The following CNTNAP5 variants were observed in gnomAD, a reference collection of about 807,000 sequenced individuals.
CNTNAP5 encodes contactin associated protein family member 5, also known as contactin-associated protein-like 5.
In CNTNAP5, 72 loss-of-function variants were observed where a neutral mutation model predicts 150.2. The observed-to-expected ratio is 0.48, with a 90% confidence interval of 0.40 to 0.58. CNTNAP5 has a LOEUF of 0.58. CNTNAP5 is among the 20% of genes least tolerant of loss of function. CNTNAP5 has a pLI of 0.00. For missense variants in CNTNAP5, 1,636 were observed against 1,626.2 expected (o/e 1.01, Z -0.10); for synonymous variants, 672 against 619.8 (o/e 1.08, Z -1.25).
At chr2:124,083,608 A>T (rs1020314630) in intron 1 of CNTNAP5, among the ~76,000 whole-genome samples, 1 of 152,054 alleles carries the variant, frequency 6.6e-6, no homozygotes, top group African/African-American at 2.4e-5. Context: ...TCAAAAATCA[A>T]TTGTCCATAT....
chr2:124,074,657 A>G (rs1682393925), intron 1 of CNTNAP5, among the ~76,000 whole-genome samples: 1 of 152,106 alleles, frequency 6.6e-6, no homozygotes, highest in Admixed American at 6.6e-5. Flanking sequence ...ACTCCTAGAC[A>G]GCACTTACCA....
chr2:124,371,870 T>G (rs1299296957), intron 3 of CNTNAP5, among the ~76,000 whole-genome samples: 1 of 152,098 alleles, frequency 6.6e-6, no homozygotes, highest in Non-Finnish European at 1.5e-5. Context: ...GTGTTCTAAA[T>G]TTTCAAATCA....
At chr2:124,125,793 C>A (rs1385163345) in intron 1 of CNTNAP5, among the ~76,000 whole-genome samples, 1 of 152,186 alleles carries the variant, frequency 6.6e-6, no homozygotes, top group Non-Finnish European at 1.5e-5. Flanking sequence ...GGAAACTGAA[C>A]AACATTCTCC....
At chr2:124,678,584 C>T (rs1489529316) in intron 13 of CNTNAP5, among the ~76,000 whole-genome samples, 2 of 151,636 alleles carry the variant, frequency 1.3e-5, no homozygotes, top group Non-Finnish European at 2.9e-5. Flanking sequence ...ATGTTATGTC[C>T]TATGATGGGA....
chr2:124,754,667 TC>T (rs1317064991), intron 14 of CNTNAP5, among the ~76,000 whole-genome samples: 4 of 152,140 alleles, frequency 2.6e-5, no homozygotes, highest in Non-Finnish European at 4.4e-5. Context: ...ATGCTAATGT[TC>T]CCATGACTGG....
Position 124,242,595 on chromosome 2 carries a change from G to A in CNTNAP5, c.381+202G>A, listed in dbSNP as rs529937341. 3.0e-3 allele frequency among the ~76,000 whole-genome samples: 457 copies of A among 152,148 alleles called. 1 individual carries two copies. The highest frequency in any genetic ancestry group is 5.2e-3 in the Non-Finnish European group (353 of 67,992). ...AAAATTAGGATGTCTGTCGCAAATA[G>A]TTTAGTATGTTCCCCTTTTTGTAGT... is the stretch of plus-strand genomic sequence containing the variant. On this transcript the variant is annotated intron_variant, in intron 3 of 23. Transcript: ENST00000682447.
At chr2:124,284,999 C>T (rs537452530) in intron 3 of CNTNAP5, among the ~76,000 whole-genome samples, 1 of 152,224 alleles carries the variant, frequency 6.6e-6, no homozygotes, top group South Asian at 2.1e-4. Flanking sequence ...CTCACTGCAG[C>T]CTCAATCTCC....
At chr2:124,611,558 C>G (rs778805455) in intron 12 of CNTNAP5, among the ~76,000 whole-genome samples, 3 of 152,172 alleles carry the variant, frequency 2.0e-5, no homozygotes, top group Non-Finnish European at 4.4e-5. Flanking sequence ...TGGTCAAAAA[C>G]TAGGCTTCTC....
intron 14 of CNTNAP5, among the ~76,000 whole-genome samples, chr2:124,753,115 GTGTAC>G (rs1680765678): frequency 6.6e-6 from 1 of 152,110 alleles, no homozygotes; most frequent in Non-Finnish European, 1.5e-5. Flanking sequence ...CTCGCCCTTA[GTGTAC>G]CCTTGTATAA....
intron 16 of CNTNAP5, among the ~76,000 whole-genome samples, chr2:124,770,284 G>A (rs1441096175): frequency 6.6e-6 from 1 of 152,126 alleles, no homozygotes; most frequent in Non-Finnish European, 1.5e-5. Flanking sequence ...AGACTCGGGG[G>A]AGACAATAAA....
chr2:124,398,575 C>A (rs1691321835), intron 3 of CNTNAP5, among the ~76,000 whole-genome samples: 1 of 152,076 alleles, frequency 6.6e-6, no homozygotes, highest in Admixed American at 6.6e-5. Context: ...TGGCTCACCA[C>A]AACCTCTGCC....
Position 124,441,644 on chromosome 2 carries a change from A to G in CNTNAP5, c.734-5109A>G, listed in dbSNP as rs575613639. On this transcript the variant is annotated intron_variant, in intron 5 of 23. Transcript: ENST00000682447. The stretch of plus-strand genomic sequence containing the variant: ...TAAATATCATTTTGATGGCTATTTA[A>G]TATAATACTTCATCTGGTGAGTCTA... Among the ~76,000 whole-genome samples, 4 of 152,154 alleles carry G rather than the reference A, an allele frequency of 2.6e-5. No homozygotes were observed. The East Asian group carries it at 5.8e-4, about 22-fold the overall frequency.
intron 6 of CNTNAP5, 91 bp from the exon 7 acceptor site, chr2:124,474,648 T>C (rs1693597742): frequency 9.0e-7 from 1 of 1,110,034 alleles, no homozygotes; most frequent in Non-Finnish European, 1.3e-6. Context: ...AAGCATACAA[T>C]TGAATCTACC....
intron 1 of CNTNAP5, among the ~76,000 whole-genome samples, chr2:124,054,179 A>G (rs1454177067): frequency 6.6e-6 from 1 of 152,036 alleles, no homozygotes; most frequent in Non-Finnish European, 1.5e-5. Context: ...TAAAAGAGAC[A>G]TGTGTTCTTT....
At chr2:124,384,354 AT>A (rs1283935814) in intron 3 of CNTNAP5, among the ~76,000 whole-genome samples, 1 of 152,158 alleles carries the variant, frequency 6.6e-6, no homozygotes, top group African/African-American at 2.4e-5. Flanking sequence ...AAATATATAC[AT>A]TTATATGTTA....
intron 11 of CNTNAP5, among the ~76,000 whole-genome samples, chr2:124,602,127 G>A (rs1476527852): frequency 1.3e-5 from 2 of 151,974 alleles, no homozygotes; most frequent in Non-Finnish European, 2.9e-5. Flanking sequence ...GGTGGATCAC[G>A]ACGTCAGGAG....
At chr2:124,267,146 G>C (rs1335259686) in intron 3 of CNTNAP5, among the ~76,000 whole-genome samples, 3 of 152,018 alleles carry the variant, frequency 2.0e-5, no homozygotes, top group African/African-American at 4.8e-5. Context: ...GGCTGCACGG[G>C]GAGGAGTGAT....
intron 6 of CNTNAP5, among the ~76,000 whole-genome samples, chr2:124,463,529 G>A (rs1693302294): frequency 6.6e-6 from 1 of 152,162 alleles, no homozygotes; most frequent in South Asian, 2.1e-4. Context: ...ATGCTGTTAA[G>A]AAAACATGCG....
intron 13 of CNTNAP5, among the ~76,000 whole-genome samples, chr2:124,676,729 G>A (rs1287977088): frequency 6.6e-6 from 1 of 152,202 alleles, no homozygotes; most frequent in African/African-American, 2.4e-5. Context: ...GGAGCTAAGT[G>A]AAGAAGGAAG....
Sources: allele counts gnomAD v4.1 joint callset (sites outside exome capture counted in the v4.1 genomes callset), GRCh38; gene constraint gnomAD v4.1.1; transcripts MANE v1.5; gene names NCBI Gene and HGNC (gene_info 2026-07-23, HGNC 2026-07-21).